ELAVL3: variants seen among roughly 807,000 people sequenced by gnomAD.
ELAVL3 encodes ELAV-like protein 3.
ELAVL3 carries 8 observed loss-of-function variants against 34.2 expected under a neutral mutation model. The observed-to-expected ratio is 0.23, with a 90% CI of 0.14 to 0.42. The LOEUF (loss-of-function observed/expected upper bound fraction) is 0.42, where lower values mean the gene tolerates loss of function less well. ELAVL3 is among the 10% of genes least tolerant of loss of function. The pLI is 1.00. For synonymous variants in ELAVL3, 209 were observed against 222.1 expected (o/e 0.94, Z 0.53); for missense variants, 273 against 518.8 (o/e 0.53, Z 4.60).
intron 5 of ELAVL3, among the ~76,000 whole-genome samples, chr19:11,457,392 C>T (rs1970791779): frequency 6.6e-6 from 1 of 152,230 alleles, no homozygotes; most frequent in African/African-American, 2.4e-5. Context: ...CCTCCCCCTC[C>T]TGGCTGGCGG....
rs1217192395 is a variant in ELAVL3 at position 11,480,603 on chromosome 19, G to T, written c.6C>A (p.Val2=). The change falls in exon 1 of 7, where the codon GTC becomes GTA. Residue 2 remains valine (V), a synonymous_variant. Coordinates refer to ENST00000359227, the MANE Select transcript of ELAVL3 (RefSeq NM_001420.4). The surrounding 1 kb of genome is among the most constrained non-coding windows in gnomAD (Gnocchi z 6.8). ...TCGGCGACAGGGGAATACCTACAGT[G>T]ACCATTCTTGTGTGCCCGGCGGGCG... M[V]TQILGAMESQ... 2.0e-6 allele frequency: 3 copies of T among 1,479,878 alleles called. No individual in the cohort carries two copies. The South Asian group carries it at 4.2e-5, about 21-fold the overall frequency. The allele number at this position is 1,479,878 out of a possible 1,614,324, so 91.7% of individuals were successfully genotyped here. A position where few individuals can be genotyped will look rare whatever the true frequency, so the allele number is the denominator to read the frequency against.
At chr19:11,465,334 CCA>C (rs952318960) in intron 3 of ELAVL3, among the ~76,000 whole-genome samples, 7 of 148,368 alleles carry the variant, frequency 4.7e-5, no homozygotes, top group South Asian at 2.1e-4. Flanking sequence ...TGCACACACA[CCA>C]CACACACATG....
intron 1 of ELAVL3, among the ~76,000 whole-genome samples, chr19:11,468,519 A>G (rs549582528): frequency 6.6e-6 from 1 of 151,700 alleles, no homozygotes; most frequent in East Asian, 1.9e-4. Flanking sequence ...GGTTCAAGCA[A>G]TTCTCCTGCC....
rs532772287 is a variant in ELAVL3, at chr19:11,454,787, G to A, written c.843C>T (p.Gly281=). ...AGVGLSGGAA[G]AGWCIFVYNL... is the part of the protein sequence containing the mutation. ...TGTACACGAAGATGCACCAGCCGGCGCCCGCCGCGCCCCCCGACAGGCCCA... is the reference window on the plus strand; with the variant it reads ...TGTACACGAAGATGCACCAGCCGGCACCCGCCGCGCCCCCCGACAGGCCCA... Residue 281 remains glycine, a synonymous_variant, in exon 7 of 7, where the codon GGC becomes GGT. Coordinates refer to ENST00000359227, the MANE Select transcript of ELAVL3 (RefSeq NM_001420.4). The surrounding 1 kb of genome is among the most constrained non-coding windows in gnomAD (Gnocchi z 9.2). 3.1e-5 allele frequency: 50 copies of A among 1,612,206 alleles called. No individual in the cohort carries two copies. The highest frequency in any genetic ancestry group is 3.3e-4 in the Middle Eastern group (2 of 6,082).
chr19:11,457,064 G>T (rs1325580961), intron 6 of ELAVL3, 46 bp downstream of exon 6: 1 of 1,440,144 alleles, frequency 6.9e-7, no homozygotes, highest in Non-Finnish European at 9.1e-7. Flanking sequence ...TGCATCAGGG[G>T]CATGGATGGT....
intron 3 of ELAVL3, among the ~76,000 whole-genome samples, chr19:11,464,999 C>CCACA (rs1324459467): frequency 7.9e-6 from 1 of 126,384 alleles, no homozygotes; most frequent in Non-Finnish European, 1.7e-5. Context: ...ACACCACACA[C>CCACA]CACACACACA....
intron 1 of ELAVL3, among the ~76,000 whole-genome samples, chr19:11,469,549 G>C (rs983748046): frequency 2.0e-5 from 3 of 152,076 alleles, no homozygotes; most frequent in African/African-American, 7.2e-5. Flanking sequence ...CAAAGTGCTG[G>C]GATTACAGGC....
At chr19:11,464,546 C>T (rs115446205) in intron 3 of ELAVL3, among the ~76,000 whole-genome samples, 3,397 of 149,974 alleles carry the variant, frequency 0.023, 117 homozygotes, top group African/African-American at 0.079. Context: ...ATCATAAACA[C>T]TGTATCTCAC....
At position 11,451,415 on chromosome 19, in the gene ELAVL3, G is replaced by A; in HGVS notation, c.*3111C>T. Reference sequence around the variant, plus strand: ...AGTCTGTTACCGCGGCCAGGCCTGTGATCCCGGTAATAAATAGTCTAAACG... The same window carrying A: ...AGTCTGTTACCGCGGCCAGGCCTGTAATCCCGGTAATAAATAGTCTAAACG... On this transcript the variant is annotated 3_prime_UTR_variant, in exon 7 of 7. Coordinates refer to ENST00000359227, the MANE Select transcript of ELAVL3 (RefSeq NM_001420.4). 6.7e-6 allele frequency: 1 copy of A among 148,690 alleles called. No individual in the cohort carries two copies. Among genetic ancestry groups the A allele is most frequent in the Admixed American group, 6.7e-5 (1 of 15,014 alleles). 9.2% of individuals were successfully genotyped at this position (148,690 alleles called of 1,614,324 possible). A position where few individuals can be genotyped will look rare whatever the true frequency, so the allele number is the denominator to read the frequency against.
chr19:11,468,859 T>A (rs1027570877), intron 1 of ELAVL3, among the ~76,000 whole-genome samples: 21 of 152,196 alleles, frequency 1.4e-4, no homozygotes, highest in African/African-American at 4.6e-4. Context: ...AAGACTTTTT[T>A]AAAAAAGGAT....
In ELAVL3 at chr19:11,454,483, C is replaced by T. The variant is rs1157502851; in HGVS notation, c.*43G>A. ...TCTCTCTCTCTTTCTCTCTCTCTCT[C>T]TCTGCTGCCCGGGGAGGGGGTGGGA... On this transcript the variant is annotated 3_prime_UTR_variant, in exon 7 of 7. Transcript: ENST00000359227. The surrounding 1 kb of genome is among the most constrained non-coding windows in gnomAD (Gnocchi z 9.2). 6 of 1,476,906 alleles carry T rather than the reference C, an allele frequency of 4.1e-6. No homozygotes were observed. The highest frequency in any genetic ancestry group is 5.4e-6 in the Non-Finnish European group (6 of 1,102,004). The allele number at this position is 1,476,906 out of a possible 1,614,324, so 91.5% of individuals were successfully genotyped here. A position where few individuals can be genotyped will look rare whatever the true frequency, so the allele number is the denominator to read the frequency against.
At chr19:11,474,219 A>C (rs1359992734) in intron 1 of ELAVL3, among the ~76,000 whole-genome samples, 3 of 151,254 alleles carry the variant, frequency 2.0e-5, no homozygotes, top group Non-Finnish European at 4.4e-5. Context: ...TTTTTTGTAG[A>C]GATGGGTTCT....
intron 3 of ELAVL3, among the ~76,000 whole-genome samples, chr19:11,465,750 G>T (rs949393745): frequency 1.1e-4 from 17 of 152,170 alleles, no homozygotes; most frequent in Admixed American, 3.9e-4. Context: ...GGGAGGTCCT[G>T]GGGGAGGGGC....
intron 3 of ELAVL3, among the ~76,000 whole-genome samples, chr19:11,461,934 G>T (rs1376602936): frequency 1.3e-5 from 2 of 152,168 alleles, no homozygotes; most frequent in African/African-American, 4.8e-5. Context: ...CCAGCATTTT[G>T]CGAGGCTGAG....
Position 11,480,652 on chromosome 19 carries a change from G to T in ELAVL3, c.-44C>A, listed in dbSNP as rs1476715436. On this transcript the variant is annotated 5_prime_UTR_variant, in exon 1 of 7. Coordinates refer to ENST00000359227, the MANE Select transcript of ELAVL3 (RefSeq NM_001420.4). The surrounding 1 kb of genome is among the most constrained non-coding windows in gnomAD (Gnocchi z 6.8). Reference sequence around the variant, plus strand: ...CGCGGTCCGTGTTGAGGGGGGCTCCGGGGGTGGTGCACTCCTAGGGGGGCG... The same window carrying T: ...CGCGGTCCGTGTTGAGGGGGGCTCCTGGGGTGGTGCACTCCTAGGGGGGCG... The T allele has an allele frequency of 1.1e-5, 16 of 1,411,566 alleles. No individual in the cohort carries two copies. The highest frequency in any genetic ancestry group is 1.5e-5 in the African/African-American group (1 of 67,382). The allele number at this position is 1,411,566 out of a possible 1,614,324, so 87.4% of individuals were successfully genotyped here. A position where few individuals can be genotyped will look rare whatever the true frequency, so the allele number is the denominator to read the frequency against.
chr19:11,454,439 C>T lies in ELAVL3; in HGVS notation c.*87G>A, dbSNP rs1273249575. 5 of 1,305,246 alleles carry T rather than the reference C, an allele frequency of 3.8e-6. No individual in the cohort carries two copies. The East Asian group carries it at 1.0e-4, about 27-fold the overall frequency. The allele number at this position is 1,305,246 out of a possible 1,614,324, so 80.9% of individuals were successfully genotyped here. On this transcript the variant is annotated 3_prime_UTR_variant, in exon 7 of 7. Coordinates refer to ENST00000359227, the MANE Select transcript of ELAVL3 (RefSeq NM_001420.4). This position sits in a 1 kb window ranked among gnomAD's most constrained non-coding sequence, Gnocchi z 9.2. ...CCGTGGGGCTGCCTGTGCTGTCTCT[C>T]TTGGGCCCCTTCTCTCTCTCTCTCT...
intron 6 of ELAVL3, 127 bp from the exon 7 acceptor site, chr19:11,455,004 ATTT>A: frequency 1.2e-6 from 1 of 868,074 alleles, no homozygotes; most frequent in Non-Finnish European, 1.7e-6. Flanking sequence ...CTGCAATGCA[ATTT>A]TTTTTTTTAG....
intron 3 of ELAVL3, among the ~76,000 whole-genome samples, chr19:11,459,535 G>A (rs919437055): frequency 6.6e-6 from 1 of 151,736 alleles, no homozygotes. Flanking sequence ...CCAAAGTGCT[G>A]GGATTACAGG....
Position 11,452,168 on chromosome 19 carries a change from C to G in ELAVL3, c.*2358G>C, listed in dbSNP as rs1391758054. ...GTCGCTGGCCGTGGGGACTGTCCCG[C>G]AGAGCACACGCCCCCGCGTGCCACT... On this transcript the variant is annotated 3_prime_UTR_variant, in exon 7 of 7. Transcript: ENST00000359227. 1 of 152,266 alleles carries G rather than the reference C, an allele frequency of 6.6e-6. No individual in the cohort carries two copies. Among genetic ancestry groups the G allele is most frequent in the African/African-American group, 2.4e-5 (1 of 41,476 alleles). The allele number at this position is 152,266 out of a possible 1,614,324, so 9.4% of individuals were successfully genotyped here.
Sources: allele counts gnomAD v4.1 joint callset (sites outside exome capture counted in the v4.1 genomes callset), GRCh38; gene constraint gnomAD v4.1.1; non-coding constraint Gnocchi (gnomAD v3.1); transcripts MANE v1.5; gene names NCBI Gene and HGNC (gene_info 2026-07-23, HGNC 2026-07-21).